The following TRMT1 variants were observed in gnomAD, a reference collection of about 807,000 sequenced individuals.
TRMT1 encodes tRNA (guanine(26)-N(2))-dimethyltransferase.
In TRMT1, 63 loss-of-function variants were observed where a neutral mutation model predicts 75.4. That is an observed-to-expected ratio of 0.84 (90% CI 0.68 to 1.03). The LOEUF is 1.03. Ranked by LOEUF, TRMT1 falls within the 50% of genes least tolerant of loss-of-function variation. The pLI is 0.00. For synonymous variants in TRMT1, 382 were observed against 358.1 expected, an observed-to-expected ratio of 1.07 and a Z score of -0.75; for missense variants, 870 against 905.3, an observed-to-expected ratio of 0.96 and a Z score of 0.50.
intron 12 of TRMT1, among the ~76,000 whole-genome samples, chr19:13,108,329 C>T (rs772240187): frequency 3.3e-5 from 5 of 150,558 alleles, no homozygotes; most frequent in Non-Finnish European, 7.4e-5. Flanking sequence ...CTCACTCTGT[C>T]GCTCAGGCTG....
At chr19:13,110,118 C>T in intron 8 of TRMT1, 40 bp downstream of exon 8, 1 of 1,609,590 alleles carries the variant, frequency 6.2e-7, no homozygotes, top group Non-Finnish European at 8.5e-7. Context: ...GGTCCTGTCT[C>T]CTCTCTCAAT....
intron 5 of TRMT1, among the ~76,000 whole-genome samples, chr19:13,113,366 GT>G (rs1324704341): frequency 3.9e-5 from 6 of 152,178 alleles, no homozygotes; most frequent in Non-Finnish European, 8.8e-5. Context: ...GTTTCAACAT[GT>G]TGGCCAGGCT....
chr19:13,107,236 G>T (rs1425887114), intron 14 of TRMT1, among the ~76,000 whole-genome samples: 3 of 152,048 alleles, frequency 2.0e-5, no homozygotes, highest in Non-Finnish European at 4.4e-5. Context: ...CCAGGTTCAA[G>T]CGATTCTCCT....
rs772025326 is a variant in TRMT1 at position 13,109,697 on chromosome 19, C to G, written c.1177-13G>C. 5 of 1,613,892 alleles carry G rather than the reference C, an allele frequency of 3.1e-6. No individual in the cohort carries two copies. The East Asian group carries it at 1.1e-4, about 36-fold the overall frequency. ...TGGGGCCACCAAGCTGGGGGCGCAC[C>G]GGGGACAGGTGAGCAGGGACTATGA... On this transcript the variant is annotated splice_polypyrimidine_tract_variant and intron_variant, in intron 10 of 16. Transcript: ENST00000357720.
intron 7 of TRMT1, among the ~76,000 whole-genome samples, 164 bp downstream of exon 7, chr19:13,112,541 T>C (rs1184822124): frequency 1.3e-5 from 2 of 152,204 alleles, no homozygotes; most frequent in Non-Finnish European, 2.9e-5. Flanking sequence ...TCTTAGGAAC[T>C]ATGTGGGTTG....
rs760343525 is a variant in TRMT1 at position 13,109,480 on chromosome 19, C to T, written c.1312-14G>A. 11 of 1,613,996 alleles carry T rather than the reference C, an allele frequency of 6.8e-6. No homozygotes were observed. Among genetic ancestry groups the T allele is most frequent in the Non-Finnish European group, 9.3e-6 (11 of 1,179,994 alleles). On this transcript the variant is annotated splice_polypyrimidine_tract_variant and intron_variant, in intron 11 of 16. Transcript: ENST00000357720. ...GTCCGGGAGCTCCTGCGATGGGGGA[C>T]AGGATGGGCATGAGTGGAGATGGAC...
At chr19:13,109,862 G>T in intron 9 of TRMT1, 24 bp from the exon 10 acceptor site, 1 of 1,613,818 alleles carries the variant, frequency 6.2e-7, no homozygotes. Flanking sequence ...GGTGGTTGGT[G>T]GGGAGGGAGG....
Position 13,105,322 on chromosome 19 carries a change from T to G in TRMT1, c.1778A>C (p.Asp593Ala). Residue 593 changes from aspartate to alanine, a missense_variant, in exon 16 of 17, where the codon GAT becomes GCT. Coordinates refer to ENST00000357720, the MANE Select transcript of TRMT1 (RefSeq NM_001136035.4). Reference sequence around the variant, plus strand: ...GAGCCGGGCAGCCCGCTGGGCCACATCTTCCGGCGGCTCCTTCCGCTTGTT... The same window carrying G: ...GAGCCGGGCAGCCCGCTGGGCCACAGCTTCCGGCGGCTCCTTCCGCTTGTT... ...LQNKRKEPPEDVAQRAARLKT... is the reference protein window; with the variant it reads ...LQNKRKEPPEAVAQRAARLKT... 6.2e-7 allele frequency: 1 copy of G among 1,614,046 alleles called. No individual in the cohort carries two copies.
intron 7 of TRMT1, 146 bp downstream of exon 7, chr19:13,112,559 G>T: frequency 2.9e-6 from 2 of 686,500 alleles, no homozygotes; most frequent in Non-Finnish European, 4.9e-6. Flanking sequence ...TTGAAGACAC[G>T]CCTGTCGTTA....
intron 12 of TRMT1, among the ~76,000 whole-genome samples, chr19:13,109,027 C>T (rs1402655690): frequency 6.6e-6 from 1 of 151,354 alleles, no homozygotes; most frequent in Non-Finnish European, 1.5e-5. Flanking sequence ...ATGATCCTCC[C>T]ACCTCAGCCT....
At chr19:13,107,907 C>T (rs1044545138) in intron 12 of TRMT1, 48 bp from the exon 13 acceptor site, 88 of 1,511,722 alleles carry the variant, frequency 5.8e-5, no homozygotes, top group Non-Finnish European at 7.7e-5. Context: ...TCCTTGACCC[C>T]AAAGCCCAAG....
In TRMT1 at chr19:13,115,661, G is replaced by A; in HGVS notation, c.418C>T (p.Gln140Ter). The change falls in exon 4 of 17, where the codon CAA (glutamine) becomes TAA (stop). Residue 140 changes from glutamine (Q) to a stop codon, truncating the protein, a stop_gained. Coordinates refer to ENST00000357720, the MANE Select transcript of TRMT1 (RefSeq NM_001136035.4). LOFTEE classifies it high-confidence loss of function. ...KESENLASGD[Q>*]PRTAAVGEIC... The stretch of plus-strand genomic sequence containing the variant: ...TCCCCCACGGCCGCTGTGCGAGGTT[G>A]GTCTCCTGAGGCCAGGTTTTCACTC... The A allele has an allele frequency of 6.2e-7, 1 of 1,613,984 alleles. No individual in the cohort carries two copies.
Position 13,105,401 on chromosome 19 carries a change from G to A in TRMT1, c.1704-5C>T. The A allele has an allele frequency of 1.2e-6, 2 of 1,613,592 alleles. No individual in the cohort carries two copies. Among genetic ancestry groups the A allele is most frequent in the Non-Finnish European group, 1.7e-6 (2 of 1,179,964 alleles). On this transcript the variant is annotated splice_region_variant and splice_polypyrimidine_tract_variant and intron_variant, in intron 15 of 16. Coordinates refer to ENST00000357720, the MANE Select transcript of TRMT1 (RefSeq NM_001136035.4). ...GCTTCGTCGGCCGCCTTGCCCCTGT[G>A]CGAGGGGAGGAGTAGGTGGGACCCC...
At chr19:13,109,166 ATTT>A (rs1457303344) in intron 12 of TRMT1, among the ~76,000 whole-genome samples, 1 of 150,528 alleles carries the variant, frequency 6.6e-6, no homozygotes, top group Non-Finnish European at 1.5e-5. Flanking sequence ...ATATTTATTT[ATTT>A]ATTTGTTAGA....
At chr19:13,111,468 C>T in intron 7 of TRMT1, among the ~76,000 whole-genome samples, 1 of 148,450 alleles carries the variant, frequency 6.7e-6, no homozygotes, top group East Asian at 2.0e-4. Context: ...ACCGCAACCT[C>T]CACCTCCCGG....
In TRMT1 at chr19:13,109,920, G is replaced by A. The variant is rs142446751; in HGVS notation, c.1101C>T (p.Ser367=). The change falls in exon 9 of 17, where the codon AGC becomes AGT. Residue 367 remains serine (S), a synonymous_variant. Transcript: ENST00000357720. ...QRLGKASGVP[S]GRAKFSAACG... ...TCTCCTTCCTCCCTGCTCACCGGCC[G>A]CTGGGGACTCCTGACGCTTTGCCGA... The A allele has an allele frequency of 4.6e-4, 745 of 1,613,988 alleles. 2 individuals are homozygous for A. The highest frequency in any genetic ancestry group is 1.6e-3 in the South Asian group (145 of 91,088).
In TRMT1 at chr19:13,109,685, CT is replaced by C. The variant is rs771721929; in HGVS notation, c.1177-2del. 1 of 1,613,916 alleles carries C rather than the reference CT, an allele frequency of 6.2e-7. No individual in the cohort carries two copies. Among genetic ancestry groups the C allele is most frequent in the South Asian group, 1.1e-5 (1 of 91,072 alleles). Reference sequence around the variant, plus strand: ...GCTCTGCCCACATGGGGCCACCAAGCTGGGGGCGCACCGGGGACAGGTGAGC... The same window carrying C: ...GCTCTGCCCACATGGGGCCACCAAGCGGGGGCGCACCGGGGACAGGTGAGC... On this transcript the variant is annotated splice_acceptor_variant, in intron 10 of 16. Coordinates refer to ENST00000357720, the MANE Select transcript of TRMT1 (RefSeq NM_001136035.4). LOFTEE classifies it high-confidence loss of function.
In TRMT1 at chr19:13,107,687, C is replaced by T. The variant is rs139578835; in HGVS notation, c.1507-37G>A. 2.2e-4 allele frequency: 351 copies of T among 1,581,692 alleles called. 1 individual carries two copies. In the African/African-American group the frequency reaches 4.1e-3, roughly 19 times the overall value. On this transcript the variant is annotated intron_variant, in intron 13 of 16. Transcript: ENST00000357720. The stretch of plus-strand genomic sequence containing the variant: ...GGTCAGAGGTTAGGGAATACTAGGC[C>T]CAAGGGACCTCCAGGTGACCACCAC...
chr19:13,108,417 A>G (rs2018978942), intron 12 of TRMT1, among the ~76,000 whole-genome samples: 2 of 152,038 alleles, frequency 1.3e-5, no homozygotes, highest in South Asian at 4.2e-4. Context: ...CAGCCTCCTG[A>G]GTAGCTGAGA....
Sources: gnomAD v4.1 joint callset for allele counts (sites outside exome capture counted in the v4.1 genomes callset) on GRCh38, gnomAD v4.1.1 for gene constraint, MANE v1.5 for transcripts, NCBI Gene and HGNC (gene_info 2026-07-23, HGNC 2026-07-21) for gene names.